Variants in RFTN1 observed in about 807,000 individuals in gnomAD.
RFTN1 encodes the protein raftlin, lipid raft linker 1, also known as raftlin.
In RFTN1, 26 loss-of-function variants were observed where a neutral mutation model predicts 46.5. That is an observed-to-expected ratio of 0.56 (90% CI 0.41 to 0.78). The LOEUF (loss-of-function observed/expected upper bound fraction) is 0.78. RFTN1 is among the 30% of genes least tolerant of loss of function. The probability of loss-of-function intolerance (pLI) is 0.00; values close to 1 mark genes in which losing one functional copy is unlikely to be tolerated. For synonymous variants in RFTN1, 261 were observed against 284.2 expected (o/e 0.92, Z 0.82); for missense variants, 693 against 718.7 (o/e 0.96, Z 0.41).
chr3:16,357,127 A>C (rs574352375), intron 7 of RFTN1, among the ~76,000 whole-genome samples: 1 of 72,366 alleles, frequency 1.4e-5, no homozygotes, highest in South Asian at 3.1e-4. Flanking sequence ...AAAAAAAAAA[A>C]ACAAAAAAAC....
intron 4 of RFTN1, among the ~76,000 whole-genome samples, chr3:16,408,286 G>A (rs1575243644): frequency 6.6e-6 from 1 of 152,096 alleles, no homozygotes; most frequent in African/African-American, 2.4e-5. Flanking sequence ...GGATCCCCTT[G>A]CTCCTCAGCC....
chr3:16,388,483 T>C (rs2074262050), intron 4 of RFTN1, among the ~76,000 whole-genome samples: 3 of 152,218 alleles, frequency 2.0e-5, no homozygotes, highest in African/African-American at 4.8e-5. Context: ...TAAAAATATA[T>C]TCATTTGAGA....
At position 16,426,370 on chromosome 3, in the gene RFTN1, T is replaced by C. The variant is rs1293793003; in HGVS notation, c.332+7481A>G. Among the ~76,000 whole-genome samples, 1 of 152,202 alleles carries C rather than the reference T, an allele frequency of 6.6e-6. No individual in the cohort carries two copies. The highest frequency in any genetic ancestry group is 1.9e-4 in the East Asian group (1 of 5,202). ...AGACATGAAAAGACACAAGGCCACTTAAAGAGGACACTTTCGACTGTAATT... is the reference window on the plus strand; with the variant it reads ...AGACATGAAAAGACACAAGGCCACTCAAAGAGGACACTTTCGACTGTAATT... On this transcript the variant is annotated intron_variant, in intron 3 of 9. Transcript: ENST00000334133. This position sits in a 1 kb window ranked among gnomAD's most constrained non-coding sequence, Gnocchi z 5.9.
chr3:16,509,851 G>A lies in RFTN1; in HGVS notation c.-9+3591C>T, dbSNP rs1046855547. Among the ~76,000 whole-genome samples the A allele has an allele frequency of 1.3e-5, 2 of 152,134 alleles. No individual in the cohort carries two copies. The highest frequency in any genetic ancestry group is 4.8e-5 in the African/African-American group (2 of 41,406). ...ACTGCGCTAGGCTTTTAAGGAGGAG[G>A]GAACAGTCCCCAAACACAGTGCAAT... On this transcript the variant is annotated intron_variant, in intron 1 of 9. Coordinates refer to ENST00000334133, the MANE Select transcript of RFTN1 (RefSeq NM_015150.2). This position sits in a 1 kb window ranked among gnomAD's most constrained non-coding sequence, Gnocchi z 4.9.
rs2076804671 is a variant in RFTN1 at position 16,506,291 on chromosome 3, C to T, written c.-9+7151G>A. Reference sequence around the variant, plus strand: ...GCTGGGGTGTGGGGCCCCTGGGAGGCTGAGCAGACCTCAGGGTGAAGTCAA... The same window carrying T: ...GCTGGGGTGTGGGGCCCCTGGGAGGTTGAGCAGACCTCAGGGTGAAGTCAA... On this transcript the variant is annotated intron_variant, in intron 1 of 9. Coordinates refer to ENST00000334133, the MANE Select transcript of RFTN1 (RefSeq NM_015150.2). This position sits in a 1 kb window ranked among gnomAD's most constrained non-coding sequence, Gnocchi z 4.8. 6.6e-6 allele frequency among the ~76,000 whole-genome samples: 1 copy of T among 152,064 alleles called. No homozygotes were observed. Among genetic ancestry groups the T allele is most frequent in the East Asian group, 1.9e-4 (1 of 5,186 alleles).
At position 16,481,955 on chromosome 3, in the gene RFTN1, A is replaced by G. The variant is rs1045464821; in HGVS notation, c.145+11770T>C. ...GCCATCCACACATACTCAAGCTCAG[A>G]CTTGGCCTTCTGAATCTGAGCTGGA... On this transcript the variant is annotated intron_variant, in intron 2 of 9. Coordinates refer to ENST00000334133, the MANE Select transcript of RFTN1 (RefSeq NM_015150.2). This position sits in a 1 kb window ranked among gnomAD's most constrained non-coding sequence, Gnocchi z 5.1. 6.6e-6 allele frequency among the ~76,000 whole-genome samples: 1 copy of G among 152,192 alleles called. No individual in the cohort carries two copies. The highest frequency in any genetic ancestry group is 1.5e-5 in the Non-Finnish European group (1 of 68,036).
Position 16,407,986 on chromosome 3 carries a change from G to A in RFTN1, c.441+1389C>T, listed in dbSNP as rs2074899194. On this transcript the variant is annotated intron_variant, in intron 4 of 9. Transcript: ENST00000334133. This position sits in a 1 kb window ranked among gnomAD's most constrained non-coding sequence, Gnocchi z 4.0. ...CTCAATACATGTTGAAGGGAGGGTG[G>A]CAGCAAGGAAACAAATCTCCTTTAA... Among the ~76,000 whole-genome samples the A allele has an allele frequency of 6.6e-6, 1 of 152,082 alleles. No individual in the cohort carries two copies. The highest frequency in any genetic ancestry group is 1.5e-5 in the Non-Finnish European group (1 of 68,016).
Position 16,446,421 on chromosome 3 carries a change from C to T in RFTN1, c.146-12384G>A, listed in dbSNP as rs58197108. On this transcript the variant is annotated intron_variant, in intron 2 of 9. Transcript: ENST00000334133. The surrounding 1 kb of genome is among the most constrained non-coding windows in gnomAD (Gnocchi z 4.5). Reference sequence around the variant, plus strand: ...CCATCTATCTCCAGGAAATCTTCATCGGCCTCATCTCTCGGTCCACGTCCA... The same window carrying T: ...CCATCTATCTCCAGGAAATCTTCATTGGCCTCATCTCTCGGTCCACGTCCA... 3.3e-5 allele frequency among the ~76,000 whole-genome samples: 5 copies of T among 151,966 alleles called. No homozygotes were observed. The East Asian group carries it at 5.8e-4, about 18-fold the overall frequency.
rs73144348 is a variant in RFTN1, at chr3:16,390,228, G to A, written c.442-12126C>T. Among the ~76,000 whole-genome samples the A allele has an allele frequency of 1.9e-3, 290 of 152,332 alleles. 3 individuals are homozygous for A. The highest frequency in any genetic ancestry group is 6.7e-3 in the African/African-American group (277 of 41,568). On this transcript the variant is annotated intron_variant, in intron 4 of 9. Coordinates refer to ENST00000334133, the MANE Select transcript of RFTN1 (RefSeq NM_015150.2). ...AGACATCTTTTAAAATACAGTGATC[G>A]TCACTAATCCATACCCACAGGAAAT...
rs746441566 is a variant in RFTN1 at position 16,458,600 on chromosome 3, A to G, written c.146-24563T>C. Among the ~76,000 whole-genome samples, 12 of 152,226 alleles carry G rather than the reference A, an allele frequency of 7.9e-5. No individual in the cohort carries two copies. Among genetic ancestry groups the G allele is most frequent in the Non-Finnish European group, 1.3e-4 (9 of 68,038 alleles). On this transcript the variant is annotated intron_variant, in intron 2 of 9. Transcript: ENST00000334133. This position sits in a 1 kb window ranked among gnomAD's most constrained non-coding sequence, Gnocchi z 5.1. ...ATCGTAAATTGTCCTTTCAACATGCATAATGACAAGCATTTCGACCCACAC... is the reference window on the plus strand; with the variant it reads ...ATCGTAAATTGTCCTTTCAACATGCGTAATGACAAGCATTTCGACCCACAC...
chr3:16,473,272 T>G lies in RFTN1; in HGVS notation c.145+20453A>C, dbSNP rs193163534. Among the ~76,000 whole-genome samples the G allele has an allele frequency of 0.013, 1,935 of 150,912 alleles. 46 individuals are homozygous for G. Among genetic ancestry groups the G allele is most frequent in the African/African-American group, 0.044 (1,838 of 41,562 alleles). On this transcript the variant is annotated intron_variant, in intron 2 of 9. Transcript: ENST00000334133. This position sits in a 1 kb window ranked among gnomAD's most constrained non-coding sequence, Gnocchi z 5.3. ...CATGATACCAGGTGACTGGGTGTGC[T>G]GTGGGGTGCCAAATGTCCACATATT...
intron 6 of RFTN1, among the ~76,000 whole-genome samples, chr3:16,363,902 C>CT (rs2072988497): frequency 1.3e-5 from 2 of 152,210 alleles, no homozygotes; most frequent in Admixed American, 1.3e-4. Flanking sequence ...GTAAGCCCAA[C>CT]TGCACATGCA....
intron 3 of RFTN1, among the ~76,000 whole-genome samples, chr3:16,423,581 G>A (rs2075234827): frequency 6.6e-6 from 1 of 152,084 alleles, no homozygotes; most frequent in African/African-American, 2.4e-5. Context: ...TGGCTTAGGG[G>A]AATAAAGATA....
chr3:16,488,314 G>T lies in RFTN1; in HGVS notation c.145+5411C>A, dbSNP rs546368763. On this transcript the variant is annotated intron_variant, in intron 2 of 9. Coordinates refer to ENST00000334133, the MANE Select transcript of RFTN1 (RefSeq NM_015150.2). ...GGGTTTCTCCATGTTGGTCAGGCTG[G>T]TCTCGAACTCCTGACCTCAGGTGAT... Among the ~76,000 whole-genome samples the T allele has an allele frequency of 6.6e-5, 10 of 152,218 alleles. 1 individual carries two copies. In the East Asian group the frequency reaches 1.7e-3, roughly 26 times the overall value.
chr3:16,358,448 CTTTTTTT>C (rs372870244), intron 6 of RFTN1, among the ~76,000 whole-genome samples: 2,679 of 145,452 alleles, frequency 0.018, 43 homozygotes, highest in Middle Eastern at 0.059. Context: ...TTTCTTTTTT[CTTTTTTT>C]TTAAAGGGAA....
intron 5 of RFTN1, among the ~76,000 whole-genome samples, chr3:16,377,221 A>C (rs2073809752): frequency 6.6e-6 from 1 of 152,060 alleles, no homozygotes; most frequent in Non-Finnish European, 1.5e-5. Context: ...GCGTGAAGGG[A>C]TGGTGGGTAA....
rs945694035 is a variant in RFTN1 at position 16,504,793 on chromosome 3, A to T, written c.-9+8649T>A. Among the ~76,000 whole-genome samples the T allele has an allele frequency of 3.9e-5, 6 of 152,102 alleles. No homozygotes were observed. The highest frequency in any genetic ancestry group is 3.9e-4 in the Admixed American group (6 of 15,276). On this transcript the variant is annotated intron_variant, in intron 1 of 9. Coordinates refer to ENST00000334133, the MANE Select transcript of RFTN1 (RefSeq NM_015150.2). The surrounding 1 kb of genome is among the most constrained non-coding windows in gnomAD (Gnocchi z 4.4). ...GCAGACATCTCCAAGAACTGTTTCA[A>T]CATCTCCACCTGGAACTTTCTCTCT...
At chr3:16,363,273 G>T (rs2072943512) in intron 6 of RFTN1, among the ~76,000 whole-genome samples, 1 of 151,958 alleles carries the variant, frequency 6.6e-6, no homozygotes, top group South Asian at 2.1e-4. Flanking sequence ...GCACTGAATT[G>T]GGTATAAATA....
At chr3:16,434,124 G>A in intron 2 of RFTN1, 87 bp from the exon 3 acceptor site, 1 of 1,175,784 alleles carries the variant, frequency 8.5e-7, no homozygotes, top group Non-Finnish European at 1.2e-6. Context: ...TGCCCTCGGG[G>A]AGGATCCTCT....
Sources: gnomAD v4.1 joint callset for allele counts (sites outside exome capture counted in the v4.1 genomes callset) on GRCh38, gnomAD v4.1.1 for gene constraint, Gnocchi (gnomAD v3.1) non-coding constraint, MANE v1.5 for transcripts, NCBI Gene and HGNC (gene_info 2026-07-23, HGNC 2026-07-21) for gene names.